The following ZNF410 variants were observed in gnomAD, a reference collection of about 807,000 sequenced individuals.
The protein encoded by ZNF410 is zinc finger protein 410.
ZNF410 carries 18 observed loss-of-function variants against 54.8 expected under a neutral mutation model. The ratio of observed to expected loss-of-function variants is 0.33; its 90% CI spans 0.23 to 0.49. The LOEUF (loss-of-function observed/expected upper bound fraction) is 0.49, where lower values mean the gene tolerates loss of function less well. ZNF410 is among the 20% of genes least tolerant of loss of function. ZNF410 has a pLI of 0.99. For missense variants in ZNF410, 405 were observed against 569.6 expected (o/e 0.71, Z 2.94); for synonymous variants, 191 against 207.3 (o/e 0.92, Z 0.68).
In ZNF410 at chr14:73,903,971, C is replaced by T. The variant is rs1481479801; in HGVS notation, c.592C>T (p.His198Tyr). The T allele has an allele frequency of 8.7e-6, 14 of 1,613,968 alleles. No homozygotes were observed. The highest frequency in any genetic ancestry group is 1.2e-5 in the Non-Finnish European group (14 of 1,180,020). The change falls in exon 6 of 12, where the codon CAC becomes TAC. Residue 198 changes from histidine to tyrosine, a missense_variant. By Grantham distance (83) the His-to-Tyr change is moderately conservative. This residue lies in a region of ZNF410 where 247 missense variants were observed against 342.8 expected (regional missense o/e 0.72). Transcript: ENST00000555044. ...AKTSSNGENVHLGSGDGQSKD... is the reference protein window; with the variant it reads ...AKTSSNGENVYLGSGDGQSKD... Reference sequence around the variant, plus strand: ...TGACTCTGTTACAGGAGAAAATGTCCACCTTGGTTCTGGTGATGGGCAGTC... The same window carrying T: ...TGACTCTGTTACAGGAGAAAATGTCTACCTTGGTTCTGGTGATGGGCAGTC...
chr14:73,909,196 A>C, intron 7 of ZNF410, 145 bp from the exon 8 acceptor site: 1 of 660,814 alleles, frequency 1.5e-6, no homozygotes, highest in Non-Finnish European at 2.6e-6. Context: ...AACACTTGCT[A>C]GGTAGCCCAG....
rs375828780 is a variant in ZNF410 at position 73,913,138 on chromosome 14, C to G, written c.1003+3708C>G. 2.0e-5 allele frequency: 3 copies of G among 152,244 alleles called. No individual in the cohort carries two copies. The East Asian group carries it at 5.8e-4, about 29-fold the overall frequency. The allele number at this position is 152,244 out of a possible 1,614,324, so 9.4% of individuals were successfully genotyped here. On this transcript the variant is annotated intron_variant, in intron 8 of 11. Transcript: ENST00000555044. ...AGTGCAGTGGCACCATCATAGCTCA[C>G]TGAAGCCTTTGAACTCCTGGGAACA...
intron 7 of ZNF410, among the ~76,000 whole-genome samples, chr14:73,905,804 G>A (rs1042245555): frequency 2.7e-5 from 4 of 148,224 alleles, no homozygotes; most frequent in Non-Finnish European, 4.5e-5. Flanking sequence ...AATGACAGCA[G>A]GTAAAATTAA....
intron 3 of ZNF410, chr14:73,894,383 A>T (rs2055277984): frequency 4.3e-6 from 3 of 699,684 alleles, no homozygotes; most frequent in African/African-American, 1.8e-5. Context: ...AGAGAAGAGG[A>T]TGGAAAGTCA....
intron 10 of ZNF410, chr14:73,922,638 G>A (rs916803583): frequency 6.5e-6 from 1 of 153,182 alleles, no homozygotes; most frequent in Non-Finnish European, 1.5e-5. Context: ...GCTCCTCTCT[G>A]GTATAGAAAT....
chr14:73,887,864 C>G (rs1029939608), intron 1 of ZNF410, among the ~76,000 whole-genome samples: 12 of 152,142 alleles, frequency 7.9e-5, no homozygotes, highest in African/African-American at 2.9e-4. Flanking sequence ...GGGAGTTTTT[C>G]TGTAAACGAA....
chr14:73,909,611 G>GGA, intron 8 of ZNF410, 181 bp downstream of exon 8: 4 of 503,768 alleles, frequency 7.9e-6, no homozygotes, highest in Non-Finnish European at 1.4e-5. Flanking sequence ...CAAGGTTGGG[G>GGA]GGGGGACATC....
chr14:73,897,990 A>AAC, intron 4 of ZNF410, 81 bp from the exon 5 acceptor site: 19 of 1,187,478 alleles, frequency 1.6e-5, no homozygotes, highest in Middle Eastern at 5.6e-4. Flanking sequence ...AAAAAAAAAA[A>AAC]GGGACATGGA....
chr14:73,905,583 G>A (rs2055468438), intron 7 of ZNF410: 1 of 152,476 alleles, frequency 6.6e-6, no homozygotes, highest in African/African-American at 2.4e-5. Context: ...ATTATTCTGG[G>A]TCACACAGTA....
At chr14:73,915,079 G>T (rs1395451594) in intron 8 of ZNF410, among the ~76,000 whole-genome samples, 1 of 150,944 alleles carries the variant, frequency 6.6e-6, no homozygotes, top group Non-Finnish European at 1.5e-5. Flanking sequence ...CCTGGCCAAC[G>T]TGGTGAAACC....
intron 1 of ZNF410, among the ~76,000 whole-genome samples, chr14:73,891,678 A>G (rs1297480444): frequency 2.6e-5 from 4 of 152,108 alleles, no homozygotes; most frequent in Non-Finnish European, 4.4e-5. Flanking sequence ...TTGAAGTGAC[A>G]GTGCCATATT....
rs574200363 is a variant in ZNF410 at position 73,920,454 on chromosome 14, C to T, written c.1004-526C>T. On this transcript the variant is annotated intron_variant, in intron 8 of 11. Transcript: ENST00000555044. ...CTCCTATAGACATGAGTTTTTGACC[C>T]CTGCTCTAAGTATGGTTTTCTGGGT... 21 of 153,598 alleles carry T rather than the reference C, an allele frequency of 1.4e-4. No individual in the cohort carries two copies. In the East Asian group the frequency reaches 4.0e-3, roughly 30 times the overall value. 9.5% of individuals were successfully genotyped at this position (153,598 alleles called of 1,614,324 possible). A position where few individuals can be genotyped will look rare whatever the true frequency, so the allele number is the denominator to read the frequency against.
At chr14:73,920,091 A>C (rs1183488844) in intron 8 of ZNF410, 1 of 152,012 alleles carries the variant, frequency 6.6e-6, no homozygotes, top group Non-Finnish European at 1.5e-5. Context: ...TGGGATTCCT[A>C]GGTCAAAGGG....
intron 1 of ZNF410, chr14:73,891,769 A>C: frequency 2.1e-6 from 1 of 476,214 alleles, no homozygotes; most frequent in Non-Finnish European, 3.7e-6. Flanking sequence ...TAAGACGGAC[A>C]TCTTTGGACA....
rs1167542613 is a variant in ZNF410 at position 73,924,671 on chromosome 14, CTCTTT to C, written c.1398+1161_1398+1165del. ...TTATGGTGCTCTTCCGTCTTTTCTC[CTCTTT>C]TCTTTTCTTTTTTTTTTTGAGACAG... On this transcript the variant is annotated intron_variant, in intron 11 of 11. Transcript: ENST00000555044. 1.8e-4 allele frequency: 81 copies of C among 445,938 alleles called. No individual in the cohort carries two copies. In the Middle Eastern group the frequency reaches 2.1e-3, roughly 12 times the overall value. The allele number at this position is 445,938 out of a possible 1,614,324, so 27.6% of individuals were successfully genotyped here.
chr14:73,911,201 T>C (rs2055572378), intron 8 of ZNF410, among the ~76,000 whole-genome samples: 1 of 152,180 alleles, frequency 6.6e-6, no homozygotes, highest in African/African-American at 2.4e-5. Flanking sequence ...GTTTAAAAGC[T>C]GGGTACTGGA....
intron 7 of ZNF410, among the ~76,000 whole-genome samples, chr14:73,908,561 G>T (rs2055527465): frequency 6.6e-6 from 1 of 152,104 alleles, no homozygotes; most frequent in African/African-American, 2.4e-5. Flanking sequence ...TAGCAGTGCT[G>T]TTCCCTCCCA....
rs774198325 is a variant in ZNF410, at chr14:73,911,633, A to AT, written c.1003+2212dup. On this transcript the variant is annotated intron_variant, in intron 8 of 11. Coordinates refer to ENST00000555044, the MANE Select transcript of ZNF410 (RefSeq NM_021188.3). Reference sequence around the variant, plus strand: ...GTGAAAGATTCACCAAAGTAGAGAAATTTTTTTTTATATAGCAACAGTGGT... The same window carrying AT: ...GTGAAAGATTCACCAAAGTAGAGAAATTTTTTTTTTATATAGCAACAGTGGT... 4.0e-5 allele frequency among the ~76,000 whole-genome samples: 6 copies of AT among 151,882 alleles called. No homozygotes were observed. The East Asian group carries it at 7.7e-4, about 20-fold the overall frequency.
At chr14:73,908,867 T>G (rs2055533353) in intron 7 of ZNF410, among the ~76,000 whole-genome samples, 1 of 152,124 alleles carries the variant, frequency 6.6e-6, no homozygotes, top group Non-Finnish European at 1.5e-5. Context: ...AGACAGGGTC[T>G]CTCTCTCTGT....
Sources: gnomAD v4.1 joint callset for allele counts (sites outside exome capture counted in the v4.1 genomes callset) on GRCh38, gnomAD v4.1.1 for gene constraint, gnomAD v4.1.1 regional missense constraint, MANE v1.5 for transcripts, NCBI Gene and HGNC (gene_info 2026-07-23, HGNC 2026-07-21) for gene names.